The following ROBO2 variants were observed in gnomAD, a reference collection of about 807,000 sequenced individuals.
ROBO2 encodes the protein roundabout guidance receptor 2, also known as roundabout homolog 2.
A neutral mutation model predicts 160.8 loss-of-function variants in ROBO2; 53 were observed. The observed-to-expected ratio is 0.33, with a 90% CI of 0.26 to 0.41. The LOEUF (loss-of-function observed/expected upper bound fraction) is 0.41. Among genes scored for constraint, ROBO2 ranks in the 10% least tolerant of loss-of-function variants. The pLI is 1.00. For synonymous variants in ROBO2, 664 were observed against 611.7 expected (o/e 1.09, Z -1.26); for missense variants, 1,577 against 1,722.4 (o/e 0.92, Z 1.49).
intron 2 of ROBO2, among the ~76,000 whole-genome samples, chr3:77,117,414 T>G (rs1322317914): frequency 6.6e-6 from 1 of 152,138 alleles, no homozygotes; most frequent in African/African-American, 2.4e-5. Context: ...ATTTGCAAAA[T>G]TTTTGTGTTT....
chr3:77,033,340 A>G (rs2063439047), intron 2 of ROBO2, among the ~76,000 whole-genome samples: 1 of 152,204 alleles, frequency 6.6e-6, no homozygotes, highest in African/African-American at 2.4e-5. Flanking sequence ...TGGTTTACTT[A>G]AGAACACTGT....
At chr3:77,632,563 T>G in intron 23 of ROBO2, 1 of 1,535,858 alleles carries the variant, frequency 6.5e-7, no homozygotes. Flanking sequence ...CTCAGATGGC[T>G]CTATCTTTGC....
At chr3:76,176,022 T>C (rs1446976724) in intron 2 of ROBO2, among the ~76,000 whole-genome samples, 1 of 152,154 alleles carries the variant, frequency 6.6e-6, no homozygotes, top group Non-Finnish European at 1.5e-5. Flanking sequence ...CTCTGAATTG[T>C]ATTGATATCA....
chr3:76,723,626 C>A (rs1372076576), intron 2 of ROBO2, among the ~76,000 whole-genome samples: 2 of 152,152 alleles, frequency 1.3e-5, no homozygotes, highest in Non-Finnish European at 2.9e-5. Context: ...TCTTCCAGTG[C>A]TAGTAAGCCC....
At chr3:77,649,791 T>C (rs1293999991) in exon 26 of ROBO2, 2 of 151,862 alleles carry the variant, frequency 1.3e-5, no homozygotes, top group African/African-American at 4.8e-5. Context: ...TATAGATGGA[T>C]TTTTTTTAAC....
At chr3:76,869,876 A>G (rs114789044) in intron 2 of ROBO2, among the ~76,000 whole-genome samples, 93 of 152,194 alleles carry the variant, frequency 6.1e-4, no homozygotes, top group African/African-American at 2.2e-3. Context: ...GACTGGTTCT[A>G]GTTTAGAGGG....
At chr3:76,595,803 A>C (rs2086697695) in intron 2 of ROBO2, among the ~76,000 whole-genome samples, 1 of 152,112 alleles carries the variant, frequency 6.6e-6, no homozygotes, top group African/African-American at 2.4e-5. Context: ...CCAAAGAAAC[A>C]CAGTACACAG....
chr3:77,530,719 A>G (rs2091644282), intron 6 of ROBO2, among the ~76,000 whole-genome samples: 2 of 152,022 alleles, frequency 1.3e-5, no homozygotes, highest in African/African-American at 4.8e-5. Context: ...TTAATAATTA[A>G]AAATCCACAA....
intron 2 of ROBO2, among the ~76,000 whole-genome samples, chr3:76,638,515 G>C (rs2109621063): frequency 6.6e-6 from 1 of 152,150 alleles, no homozygotes; most frequent in African/African-American, 2.4e-5. Flanking sequence ...ATTTAAGTTA[G>C]ATTTGTGTCA....
intron 2 of ROBO2, among the ~76,000 whole-genome samples, chr3:77,327,145 C>A (rs949175921): frequency 1.4e-4 from 21 of 152,128 alleles, no homozygotes; most frequent in African/African-American, 5.1e-4. Flanking sequence ...AATTTGGTTT[C>A]TTGGTTAACC....
At chr3:77,442,054 T>C (rs2079976209) in intron 2 of ROBO2, among the ~76,000 whole-genome samples, 1 of 152,204 alleles carries the variant, frequency 6.6e-6, no homozygotes, top group Admixed American at 6.5e-5. Flanking sequence ...GGCTCACGCC[T>C]ATAATCCCAG....
chr3:76,995,064 A>G (rs1382479445), intron 2 of ROBO2, among the ~76,000 whole-genome samples: 1 of 151,860 alleles, frequency 6.6e-6, no homozygotes, highest in Non-Finnish European at 1.5e-5. Context: ...CTTATTATTT[A>G]CATTAGGTAT....
At chr3:77,236,495 C>T (rs569825315) in intron 2 of ROBO2, among the ~76,000 whole-genome samples, 1 of 152,178 alleles carries the variant, frequency 6.6e-6, no homozygotes, top group Non-Finnish European at 1.5e-5. Context: ...TTCAGGGTAA[C>T]GTTGGAATGC....
Position 76,024,558 on chromosome 3 carries a change from T to TAAAGATTTGGTTATAAAA in ROBO2, c.109+86958_109+86959insAGATTTGGTTATAAAAAA, listed in dbSNP as rs1180084544. On this transcript the variant is annotated intron_variant, in intron 2 of 26. Coordinates refer to the ROBO2 transcript ENST00000487694. ...GACTATAACATGCAAATTAAGATTA[T>TAAAGATTTGGTTATAAAA]AACCACGCATTTTCAACTGGAAGCT... Among the ~76,000 whole-genome samples the TAAAGATTTGGTTATAAAA allele has an allele frequency of 6.6e-5, 10 of 151,688 alleles. No homozygotes were observed. The East Asian group carries it at 1.9e-3, about 29-fold the overall frequency.
At chr3:77,166,816 C>T (rs1473288055) in intron 2 of ROBO2, among the ~76,000 whole-genome samples, 2 of 152,292 alleles carry the variant, frequency 1.3e-5, no homozygotes, top group South Asian at 4.1e-4. Flanking sequence ...GCATCGGCCT[C>T]CCAAAGTGCT....
rs142192994 is a variant in ROBO2 at position 76,875,618 on chromosome 3, C to T, written c.110-222396C>T. Among the ~76,000 whole-genome samples, 57 of 152,168 alleles carry T rather than the reference C, an allele frequency of 3.7e-4. No individual in the cohort carries two copies. The East Asian group carries it at 9.7e-3, about 26-fold the overall frequency. On this transcript the variant is annotated intron_variant, in intron 2 of 26. Transcript: ENST00000487694. ...TGGCTGATAGCCACTTTACTCTGAA[C>T]TCTATCATACTTCCTTTTTGGATTC...
chr3:76,588,108 AC>A, intron 2 of ROBO2, among the ~76,000 whole-genome samples: 1 of 152,298 alleles, frequency 6.6e-6, no homozygotes, highest in Non-Finnish European at 1.5e-5. Flanking sequence ...TTTAAAGATC[AC>A]CCATCAGGAA....
intron 2 of ROBO2, among the ~76,000 whole-genome samples, chr3:76,560,185 A>T (rs530640100): frequency 2.2e-4 from 33 of 152,244 alleles, no homozygotes; most frequent in African/African-American, 6.7e-4. Flanking sequence ...ATGCCAGTTG[A>T]TCACAAAGCA....
chr3:76,604,882 A>G (rs1047857056), intron 2 of ROBO2, among the ~76,000 whole-genome samples: 2 of 152,164 alleles, frequency 1.3e-5, no homozygotes, highest in African/African-American at 4.8e-5. Flanking sequence ...ATCTCTAGGA[A>G]AATTGTAAGT....
Sources: gnomAD v4.1 joint callset for allele counts (sites outside exome capture counted in the v4.1 genomes callset) on GRCh38, gnomAD v4.1.1 for gene constraint, MANE v1.5 for transcripts, NCBI Gene and HGNC (gene_info 2026-07-23, HGNC 2026-07-21) for gene names.